The following SORBS2 variants were observed in gnomAD, a reference collection of about 807,000 sequenced individuals.
SORBS2 encodes sorbin and SH3 domain containing 2.
In SORBS2, 46 loss-of-function variants were observed where a neutral mutation model predicts 97.7. That is an observed-to-expected ratio of 0.47 (90% confidence interval 0.37 to 0.60). SORBS2 has a LOEUF of 0.60. Among genes scored for constraint, SORBS2 ranks in the 20% least tolerant of loss-of-function variants. SORBS2 has a pLI of 0.00. For synonymous variants in SORBS2, 476 were observed against 473.4 expected (o/e 1.01, Z -0.07); for missense variants, 1,316 against 1,282.3 (o/e 1.03, Z -0.40).
intron 2 of SORBS2, among the ~76,000 whole-genome samples, chr4:185,737,395 T>A (rs930762342): frequency 2.6e-5 from 4 of 152,164 alleles, no homozygotes; most frequent in Non-Finnish European, 5.9e-5. Flanking sequence ...ACTGGAACCA[T>A]CGCCCTCCCT....
chr4:185,922,810 T>C (rs2099261538), intron 1 of SORBS2, among the ~76,000 whole-genome samples: 1 of 152,228 alleles, frequency 6.6e-6, no homozygotes, highest in Non-Finnish European at 1.5e-5. Context: ...CATGCTCATA[T>C]GGCAGATATT....
intron 1 of SORBS2, among the ~76,000 whole-genome samples, chr4:185,891,756 A>G (rs1579347774): frequency 6.6e-6 from 1 of 152,176 alleles, no homozygotes; most frequent in East Asian, 1.9e-4. Flanking sequence ...TGTGCCAATT[A>G]AACTATTGCA....
At chr4:185,716,560 A>G (rs956269844) in intron 2 of SORBS2, among the ~76,000 whole-genome samples, 6 of 152,172 alleles carry the variant, frequency 3.9e-5, no homozygotes, top group African/African-American at 1.4e-4. Context: ...CCCTCATTCA[A>G]ATGAATTCAC....
At chr4:185,779,218 G>C (rs887451203) in intron 1 of SORBS2, among the ~76,000 whole-genome samples, 5 of 152,076 alleles carry the variant, frequency 3.3e-5, no homozygotes, top group Non-Finnish European at 5.9e-5. Flanking sequence ...AGGGTGCCTG[G>C]GTTCGAATCC....
rs1444175544 is a variant in SORBS2, at chr4:185,763,437, C to G, written c.-198+11790G>C. ...CTGCCCTGGCCCAAGCCCCCGACCC[C>G]CCACCTCATCACATTTCTGCAATTT... On this transcript the variant is annotated intron_variant, in intron 2 of 20. Coordinates refer to the SORBS2 transcript ENST00000284776. 4.6e-5 allele frequency among the ~76,000 whole-genome samples: 7 copies of G among 152,320 alleles called. No homozygotes were observed. In the South Asian group the frequency reaches 1.5e-3, roughly 32 times the overall value.
intron 1 of SORBS2, among the ~76,000 whole-genome samples, chr4:185,881,866 T>A (rs1315515451): frequency 6.6e-6 from 1 of 152,206 alleles, no homozygotes; most frequent in Non-Finnish European, 1.5e-5. Context: ...TAATGTTGTT[T>A]ATCTTTCATA....
intron 1 of SORBS2, among the ~76,000 whole-genome samples, chr4:185,910,526 T>C (rs1579445336): frequency 1.3e-5 from 2 of 152,298 alleles, no homozygotes; most frequent in East Asian, 3.9e-4. Flanking sequence ...GCTTCTGGTA[T>C]GAAACTTTTA....
intron 2 of SORBS2, among the ~76,000 whole-genome samples, chr4:185,757,983 A>C (rs1428604452): frequency 6.6e-6 from 1 of 152,218 alleles, no homozygotes; most frequent in African/African-American, 2.4e-5. Context: ...ACTGCTATGG[A>C]TTGTTAACAT....
intron 1 of SORBS2, among the ~76,000 whole-genome samples, chr4:185,928,257 A>T (rs554416965): frequency 4.0e-4 from 61 of 152,118 alleles, no homozygotes; most frequent in African/African-American, 1.5e-3. Context: ...AATAAAAATT[A>T]TTTGGGAGTG....
chr4:185,689,625 G>C (rs1310509287), intron 2 of SORBS2, among the ~76,000 whole-genome samples: 1 of 152,108 alleles, frequency 6.6e-6, no homozygotes, highest in Non-Finnish European at 1.5e-5. Flanking sequence ...AGGCCACTAC[G>C]GCACATGGCA....
At chr4:185,702,047 G>A (rs1434991096) in intron 2 of SORBS2, among the ~76,000 whole-genome samples, 2 of 152,178 alleles carry the variant, frequency 1.3e-5, no homozygotes, top group South Asian at 2.1e-4. Flanking sequence ...AGGATTACAG[G>A]TGTGAGCCAC....
At chr4:185,735,825 G>A (rs532828937) in intron 2 of SORBS2, among the ~76,000 whole-genome samples, 29 of 152,026 alleles carry the variant, frequency 1.9e-4, no homozygotes, top group African/African-American at 5.8e-4. Flanking sequence ...TTATTTAACC[G>A]TTGCAATTAA....
At chr4:185,639,172 G>T (rs1036694913) in intron 4 of SORBS2, 137 bp from the exon 14 acceptor site, 3 of 739,914 alleles carry the variant, frequency 4.1e-6, no homozygotes, top group Non-Finnish European at 6.2e-6. Context: ...TGTCCCTAGG[G>T]ACCCAGACGC....
At chr4:185,897,109 A>G (rs964150013) in intron 1 of SORBS2, among the ~76,000 whole-genome samples, 2 of 152,178 alleles carry the variant, frequency 1.3e-5, no homozygotes, top group Admixed American at 6.5e-5. Context: ...GAGGCCAGAT[A>G]TAGAAACCAG....
At chr4:185,782,424 T>C (rs1008438106) in intron 1 of SORBS2, among the ~76,000 whole-genome samples, 5 of 152,256 alleles carry the variant, frequency 3.3e-5, no homozygotes, top group African/African-American at 1.2e-4. Flanking sequence ...CTAGACCTTT[T>C]TCACAACCAT....
At chr4:185,665,986 T>C (rs2097590320) in intron 4 of SORBS2, 1 of 1,277,278 alleles carries the variant, frequency 7.8e-7, no homozygotes, top group Admixed American at 2.3e-5. Context: ...GTATAAGCAA[T>C]GGGAAAGGCT....
intron 4 of SORBS2, chr4:185,646,304 A>T (rs565159259): frequency 1.9e-5 from 3 of 161,888 alleles, no homozygotes; most frequent in African/African-American, 7.2e-5. Context: ...ACTCTGATTA[A>T]TGATTAGGCA....
rs145941911 is a variant in SORBS2 at position 185,606,674 on chromosome 4, TCTCCTCCTC to T, written c.2796+5097_2796+5105del. Reference sequence around the variant, plus strand: ...ATGGGGTGTTTTAGGCAGTTGGGTTTCTCCTCCTCCTCCTCCTCTTCAATGTGCAGGTGT... The same window carrying T: ...ATGGGGTGTTTTAGGCAGTTGGGTTTCTCCTCCTCTTCAATGTGCAGGTGT... On this transcript the variant is annotated intron_variant, in intron 12 of 14. Transcript: ENST00000418609. This position sits in a 1 kb window ranked among gnomAD's most constrained non-coding sequence, Gnocchi z 4.3. 3 of 984,872 alleles carry T rather than the reference TCTCCTCCTC, an allele frequency of 3.0e-6. No homozygotes were observed. The highest frequency in any genetic ancestry group is 1.7e-5 in the African/African-American group (1 of 57,208). 61.0% of individuals were successfully genotyped at this position (984,872 alleles called of 1,614,324 possible).
intron 1 of SORBS2, among the ~76,000 whole-genome samples, chr4:185,832,096 T>C (rs1449859187): frequency 6.6e-6 from 1 of 152,210 alleles, no homozygotes; most frequent in Non-Finnish European, 1.5e-5. Flanking sequence ...TATTAGTTCT[T>C]TGAATATTAA....
Sources: gnomAD v4.1 joint callset for allele counts (sites outside exome capture counted in the v4.1 genomes callset) on GRCh38, gnomAD v4.1.1 for gene constraint, Gnocchi (gnomAD v3.1) non-coding constraint, MANE v1.5 for transcripts, NCBI Gene and HGNC (gene_info 2026-07-23, HGNC 2026-07-21) for gene names.